The following MARS1 variants were observed in gnomAD, a reference collection of about 807,000 sequenced individuals.
MARS1 encodes the protein methionyl-tRNA synthetase 1.
Under a neutral mutation model 119.5 loss-of-function variants are expected in MARS1, and 80 were observed. The ratio of observed to expected loss-of-function variants is 0.67; its 90% CI spans 0.56 to 0.81. MARS1 has a LOEUF of 0.81. MARS1 is among the 30% of genes least tolerant of loss of function. The pLI is 0.00. For synonymous variants in MARS1, 418 were observed against 433.4 expected (o/e 0.96, Z 0.44); for missense variants, 945 against 1,116.5 (o/e 0.85, Z 2.19).
Position 57,488,752 on chromosome 12 carries a change from C to T in MARS1, c.110-267C>T, listed in dbSNP as rs568755380. The T allele has an allele frequency of 4.1e-6, 5 of 1,232,776 alleles. No individual in the cohort carries two copies. The South Asian group carries it at 5.2e-5, about 13-fold the overall frequency. 76.4% of individuals were successfully genotyped at this position (1,232,776 alleles called of 1,614,324 possible). Reference sequence around the variant, plus strand: ...CCCAGTTACTTTCAGTCGTTAAGTTCTTGGCTGCAGCACTATCCCAATACC... The same window carrying T: ...CCCAGTTACTTTCAGTCGTTAAGTTTTTGGCTGCAGCACTATCCCAATACC... On this transcript the variant is annotated intron_variant, in intron 1 of 20. Coordinates refer to ENST00000262027, the MANE Select transcript of MARS1 (RefSeq NM_004990.4).
chr12:57,494,160 T>G (rs1876453494), intron 7 of MARS1, among the ~76,000 whole-genome samples: 2 of 149,200 alleles, frequency 1.3e-5, no homozygotes, highest in African/African-American at 4.9e-5. Flanking sequence ...TTCACCATGT[T>G]GGCCAGGCTG....
At chr12:57,507,471 G>T (rs1442861855) in intron 11 of MARS1, among the ~76,000 whole-genome samples, 1 of 53,882 alleles carries the variant, frequency 1.9e-5, no homozygotes, top group Non-Finnish European at 4.5e-5. Context: ...GCGGCTGGCC[G>T]GGCGGGGGGC....
At position 57,511,684 on chromosome 12, in the gene MARS1, C is replaced by T. The variant is rs759180013; in HGVS notation, c.1369-14C>T. On this transcript the variant is annotated splice_polypyrimidine_tract_variant and intron_variant, in intron 11 of 20. Transcript: ENST00000262027. The stretch of plus-strand genomic sequence containing the variant: ...AGACTTTCCTAAATCAGCCCTCTTT[C>T]TCCGTTATCTCAGCTGGAGAAGCGA... 72 of 1,613,696 alleles carry T rather than the reference C, an allele frequency of 4.5e-5. No homozygotes were observed. The highest frequency in any genetic ancestry group is 5.3e-5 in the Non-Finnish European group (63 of 1,179,714).
intron 14 of MARS1, 80 bp downstream of exon 14, chr12:57,512,433 A>G: frequency 1.0e-6 from 1 of 990,456 alleles, no homozygotes; most frequent in Admixed American, 1.8e-5. Flanking sequence ...GATCTTGGAG[A>G]GCTGCTATCT....
rs1876296360 is a variant in MARS1 at position 57,493,689 on chromosome 12, TA to T, written c.770+3046del. On this transcript the variant is annotated intron_variant, in intron 7 of 20. Coordinates refer to ENST00000262027, the MANE Select transcript of MARS1 (RefSeq NM_004990.4). Reference sequence around the variant, plus strand: ...TATATTATATATATTATATATAATATATATTATATATTATAATATATTATAT... The same window carrying T: ...TATATTATATATATTATATATAATATTATTATATATTATAATATATTATAT... Among the ~76,000 whole-genome samples, 2 of 7,260 alleles carry T rather than the reference TA, an allele frequency of 2.8e-4. 1 individual carries two copies. Among genetic ancestry groups the T allele is most frequent in the African/African-American group, 1.7e-3 (2 of 1,196 alleles). 4.8% of individuals were successfully genotyped at this position (7,260 alleles called of 152,430 possible). A position where few individuals can be genotyped will look rare whatever the true frequency, so the allele number is the denominator to read the frequency against.
chr12:57,500,421 GACCGC>G lies in MARS1; in HGVS notation c.1193_1197del (p.Asp398ValfsTer12). 6.2e-7 allele frequency: 1 copy of G among 1,614,154 alleles called. No individual in the cohort carries two copies. The highest frequency in any genetic ancestry group is 1.3e-5 in the African/African-American group (1 of 75,030). On this transcript the variant is annotated frameshift_variant, in exon 10 of 21. Transcript: ENST00000262027. LOFTEE classifies it high-confidence loss of function. Reference sequence around the variant, plus strand: ...TGAGCACTGTGCTCGCTTCCTGGCTGACCGCTTCGTGGAGGGCGTGTGTCCCTTCT... The same window carrying G: ...TGAGCACTGTGCTCGCTTCCTGGCTGTTCGTGGAGGGCGTGTGTCCCTTCT...
chr12:57,516,235 T>A lies in MARS1; in HGVS notation c.2464-10T>A. On this transcript the variant is annotated splice_polypyrimidine_tract_variant and intron_variant, in intron 19 of 20. Transcript: ENST00000262027. Reference sequence around the variant, plus strand: ...TTATGGTTGCTGGTGATAACTTTGTTGTTCTCCAGGCAAAAACGTCCCCGA... The same window carrying A: ...TTATGGTTGCTGGTGATAACTTTGTAGTTCTCCAGGCAAAAACGTCCCCGA... 6.2e-7 allele frequency: 1 copy of A among 1,613,564 alleles called. No homozygotes were observed. Among genetic ancestry groups the A allele is most frequent in the Non-Finnish European group, 8.5e-7 (1 of 1,179,454 alleles).
At position 57,490,523 on chromosome 12, in the gene MARS1, C is replaced by G; in HGVS notation, c.664-15C>G. On this transcript the variant is annotated splice_polypyrimidine_tract_variant and intron_variant, in intron 6 of 20. Transcript: ENST00000262027. ...CCCTCCTCACCTGGTAAGGGATTCT[C>G]TCCACTCTTTATAGGAGGAGGAGCT... 6.2e-7 allele frequency: 1 copy of G among 1,613,512 alleles called. No homozygotes were observed. Among genetic ancestry groups the G allele is most frequent in the African/African-American group, 1.3e-5 (1 of 75,030 alleles).
At position 57,500,441 on chromosome 12, in the gene MARS1, G is replaced by A. The variant is rs2140019580; in HGVS notation, c.1212G>A (p.Val404=). Reference sequence around the variant, plus strand: ...TGGCTGACCGCTTCGTGGAGGGCGTGTGTCCCTTCTGTGGCTATGAGGAGG... The same window carrying A: ...TGGCTGACCGCTTCGTGGAGGGCGTATGTCCCTTCTGTGGCTATGAGGAGG... The part of the protein sequence containing the change: ...RFLADRFVEG[V]CPFCGYEEAR... The change falls in exon 10 of 21, where the codon GTG becomes GTA. Residue 404 remains valine (V), a synonymous_variant. Transcript: ENST00000262027. 3 of 1,614,202 alleles carry A rather than the reference G, an allele frequency of 1.9e-6. No homozygotes were observed. Among genetic ancestry groups the A allele is most frequent in the Middle Eastern group, 1.6e-4 (1 of 6,062 alleles).
At chr12:57,488,444 C>T in intron 1 of MARS1, 1 of 940,562 alleles carries the variant, frequency 1.1e-6, no homozygotes, top group Non-Finnish European at 1.6e-6. Context: ...TCCCGGTCCC[C>T]GCCTCACCCC....
rs762100988 is a variant in MARS1, at chr12:57,516,497, G to A, written c.2619G>A (p.Val873=). 1 of 1,613,716 alleles carries A rather than the reference G, an allele frequency of 6.2e-7. No individual in the cohort carries two copies. Among genetic ancestry groups the A allele is most frequent in the African/African-American group, 1.3e-5 (1 of 74,888 alleles). The change falls in exon 21 of 21, where the codon GTG becomes GTA. Residue 873 remains valine (V), a synonymous_variant. Transcript: ENST00000262027. ...ACAAGAACGAGGTTGCTGCGGAGGTGGCGAAACTCTTGGATCTAAAGAAAC... is the reference window on the plus strand; with the variant it reads ...ACAAGAACGAGGTTGCTGCGGAGGTAGCGAAACTCTTGGATCTAAAGAAAC... ...KADKNEVAAE[V]AKLLDLKKQL...
At chr12:57,512,432 G>T in intron 14 of MARS1, 79 bp downstream of exon 14, 1 of 1,000,452 alleles carries the variant, frequency 1.0e-6, no homozygotes. Flanking sequence ...AGATCTTGGA[G>T]AGCTGCTATC....
intron 10 of MARS1, among the ~76,000 whole-genome samples, chr12:57,502,766 G>A (rs1049655687): frequency 2.0e-5 from 3 of 146,488 alleles, no homozygotes; most frequent in Admixed American, 7.0e-5. Context: ...GGTGGCTCAC[G>A]CCTGTAGTCC....
intron 7 of MARS1, among the ~76,000 whole-genome samples, chr12:57,490,939 C>A (rs1236653190): frequency 2.1e-5 from 3 of 144,042 alleles, no homozygotes; most frequent in African/African-American, 7.8e-5. Context: ...TGCATTGGCG[C>A]GATCTCAGCT....
intron 7 of MARS1, among the ~76,000 whole-genome samples, chr12:57,493,426 A>T (rs1876137433): frequency 2.0e-4 from 1 of 4,882 alleles, no homozygotes; most frequent in Non-Finnish European, 6.5e-3. Flanking sequence ...ATTATATGAT[A>T]TGTATAATAT....
Position 57,515,901 on chromosome 12 carries a change from T to C in MARS1, c.2392-19T>C. The C allele has an allele frequency of 6.2e-7, 1 of 1,604,118 alleles. No homozygotes were observed. Among genetic ancestry groups the C allele is most frequent in the East Asian group, 2.2e-5 (1 of 44,820 alleles). The stretch of plus-strand genomic sequence containing the variant: ...TCTGTATCCAATCAGTAGATGATTC[T>C]GGAACTCTTTTTTTACAGGTCAGTC... On this transcript the variant is annotated intron_variant, in intron 18 of 20. Transcript: ENST00000262027.
Position 57,516,599 on chromosome 12 carries a change from A to G in MARS1, c.*18A>G. ...AAAAGTAAAAGACCTTGGCTCATAG[A>G]AAGTCACTTTAATAGATAGGGACAG... On this transcript the variant is annotated 3_prime_UTR_variant, in exon 21 of 21. Transcript: ENST00000262027. 2.6e-6 allele frequency: 4 copies of G among 1,558,922 alleles called. No individual in the cohort carries two copies. The highest frequency in any genetic ancestry group is 3.4e-6 in the Non-Finnish European group (4 of 1,159,620).
intron 11 of MARS1, among the ~76,000 whole-genome samples, chr12:57,508,631 G>A (rs1014811845): frequency 7.9e-5 from 12 of 152,276 alleles, no homozygotes; most frequent in Non-Finnish European, 1.3e-4. Context: ...GCTTCGGCTC[G>A]GCATCAGAGG....
chr12:57,494,715 G>A (rs1335351549), intron 7 of MARS1, among the ~76,000 whole-genome samples: 2 of 151,700 alleles, frequency 1.3e-5, no homozygotes, highest in South Asian at 2.1e-4. Context: ...GACTCTTAAC[G>A]AGCATGCTGC....
Sources: gnomAD v4.1 joint callset for allele counts (sites outside exome capture counted in the v4.1 genomes callset) on GRCh38, gnomAD v4.1.1 for gene constraint, MANE v1.5 for transcripts, NCBI Gene and HGNC (gene_info 2026-07-23, HGNC 2026-07-21) for gene names.